Variants in CAMK4 observed in about 807,000 individuals in gnomAD.
CAMK4 encodes calcium/calmodulin dependent protein kinase IV, also known as calcium/calmodulin-dependent protein kinase type IV.
Under a neutral mutation model 44.9 loss-of-function variants are expected in CAMK4, and 22 were observed. The observed-to-expected ratio is 0.49, with a 90% CI of 0.35 to 0.70. The LOEUF (loss-of-function observed/expected upper bound fraction) is 0.70, where lower values mean the gene tolerates loss of function less well. Ranked by LOEUF, CAMK4 falls within the 30% of genes least tolerant of loss-of-function variation. The pLI is 0.01. For missense variants in CAMK4, 498 were observed against 586.8 expected (o/e 0.85, Z 1.56); for synonymous variants, 218 against 215.4 (o/e 1.01, Z -0.11).
intron 1 of CAMK4, among the ~76,000 whole-genome samples, chr5:111,235,825 G>A (rs1440857093): frequency 1.3e-5 from 2 of 152,224 alleles, no homozygotes; most frequent in African/African-American, 2.4e-5. Context: ...GCCAAGTAGT[G>A]GAGGGGAGTG....
At chr5:111,328,623 T>A (rs1409167756) in intron 1 of CAMK4, among the ~76,000 whole-genome samples, 3 of 152,084 alleles carry the variant, frequency 2.0e-5, no homozygotes, top group African/African-American at 4.8e-5. Flanking sequence ...TTTCACGATA[T>A]TGATTCTTCC....
chr5:111,386,257 G>T (rs980266245), intron 4 of CAMK4, among the ~76,000 whole-genome samples: 2 of 152,180 alleles, frequency 1.3e-5, no homozygotes, highest in African/African-American at 2.4e-5. Flanking sequence ...AATTTTGTAT[G>T]TAACAGCATA....
chr5:111,353,496 A>G (rs937507120), intron 2 of CAMK4, among the ~76,000 whole-genome samples: 1 of 152,248 alleles, frequency 6.6e-6, no homozygotes, highest in Admixed American at 6.5e-5. Context: ...GAAAAATAAC[A>G]GTAGGAAAAA....
Position 111,484,937 on chromosome 5 carries a change from T to G in CAMK4, c.*471T>G, listed in dbSNP as rs944502653. The G allele has an allele frequency of 6.6e-6, 1 of 152,542 alleles. No individual in the cohort carries two copies. The highest frequency in any genetic ancestry group is 1.5e-5 in the Non-Finnish European group (1 of 68,294). The allele number at this position is 152,542 out of a possible 1,614,324, so 9.4% of individuals were successfully genotyped here. A position where few individuals can be genotyped will look rare whatever the true frequency, so the allele number is the denominator to read the frequency against. On this transcript the variant is annotated 3_prime_UTR_variant, in exon 11 of 11. Transcript: ENST00000282356. The surrounding 1 kb of genome is among the most constrained non-coding windows in gnomAD (Gnocchi z 5.3). ...CTTTTTATCATTGATGTGTTCAAAC[T>G]GTTTACAAGGAGATGCTTATAGATG... is the stretch of plus-strand genomic sequence containing the variant.
At chr5:111,434,608 T>C (rs1753583138) in intron 5 of CAMK4, among the ~76,000 whole-genome samples, 1 of 152,222 alleles carries the variant, frequency 6.6e-6, no homozygotes, top group South Asian at 2.1e-4. Flanking sequence ...TCATGGGAGA[T>C]AGTAGTTCCT....
At chr5:111,278,837 A>G (rs1172018701) in intron 1 of CAMK4, among the ~76,000 whole-genome samples, 1 of 152,260 alleles carries the variant, frequency 6.6e-6, no homozygotes, top group Non-Finnish European at 1.5e-5. Flanking sequence ...GGTTTCAGTG[A>G]TAACAAGACT....
At chr5:111,239,933 T>TAGTA (rs1748910021) in intron 1 of CAMK4, among the ~76,000 whole-genome samples, 1 of 152,210 alleles carries the variant, frequency 6.6e-6, no homozygotes, top group Non-Finnish European at 1.5e-5. Flanking sequence ...TACCCAGGGG[T>TAGTA]AGTACATGGT....
chr5:111,487,251 G>A lies in CAMK4; in HGVS notation c.*2785G>A, dbSNP rs1580819064. ...ACAATAAATTACATTTTACATTTTA[G>A]AGCTAACACTTATCACATTACATTA... On this transcript the variant is annotated 3_prime_UTR_variant, in exon 11 of 11. Coordinates refer to ENST00000282356, the MANE Select transcript of CAMK4 (RefSeq NM_001744.6). 1 of 152,142 alleles carries A rather than the reference G, an allele frequency of 6.6e-6. No individual in the cohort carries two copies. Among genetic ancestry groups the A allele is most frequent in the South Asian group, 2.1e-4 (1 of 4,824 alleles). 9.4% of individuals were successfully genotyped at this position (152,142 alleles called of 1,614,324 possible).
Position 111,344,417 on chromosome 5 carries a change from T to TACACAC in CAMK4, c.240+325_240+330dup, listed in dbSNP as rs1561427067. 6.9e-5 allele frequency among the ~76,000 whole-genome samples: 10 copies of TACACAC among 145,656 alleles called. No individual in the cohort carries two copies. In the East Asian group the frequency reaches 1.6e-3, roughly 23 times the overall value. On this transcript the variant is annotated intron_variant, in intron 2 of 10. Transcript: ENST00000282356. ...GATTTTATATATATATATATGTATA[T>TACACAC]ACACACACACACACATACACACACA...
At chr5:111,266,358 C>A (rs1750246673) in intron 1 of CAMK4, among the ~76,000 whole-genome samples, 1 of 152,002 alleles carries the variant, frequency 6.6e-6, no homozygotes, top group African/African-American at 2.4e-5. Flanking sequence ...TTCATGAATT[C>A]TTTCTTTATA....
At chr5:111,471,444 C>T (rs1755062792) in intron 7 of CAMK4, among the ~76,000 whole-genome samples, 1 of 152,108 alleles carries the variant, frequency 6.6e-6, no homozygotes, top group South Asian at 2.1e-4. Context: ...CTGTTAATTT[C>T]TTTAGAACAT....
At chr5:111,438,115 C>G (rs1196844554) in intron 5 of CAMK4, among the ~76,000 whole-genome samples, 1 of 152,060 alleles carries the variant, frequency 6.6e-6, no homozygotes, top group Non-Finnish European at 1.5e-5. Context: ...GACTTGAACA[C>G]TTAAGTTGAT....
intron 2 of CAMK4, among the ~76,000 whole-genome samples, chr5:111,350,398 A>T (rs1438024458): frequency 6.6e-6 from 1 of 152,094 alleles, no homozygotes. Context: ...AACAAAATTA[A>T]CTACATTGGT....
rs1755559727 is a variant in CAMK4, at chr5:111,484,866, T to C, written c.*400T>C. The C allele has an allele frequency of 6.4e-6, 1 of 156,238 alleles. No individual in the cohort carries two copies. The highest frequency in any genetic ancestry group is 2.1e-4 in the South Asian group (1 of 4,878). The allele number at this position is 156,238 out of a possible 1,614,324, so 9.7% of individuals were successfully genotyped here. On this transcript the variant is annotated 3_prime_UTR_variant, in exon 11 of 11. Transcript: ENST00000282356. This position sits in a 1 kb window ranked among gnomAD's most constrained non-coding sequence, Gnocchi z 5.3. Reference sequence around the variant, plus strand: ...CTTTGAACTACTGCTTAGCTAATACTAGGTAGTGCTAAAAGACATGTTCCC... The same window carrying C: ...CTTTGAACTACTGCTTAGCTAATACCAGGTAGTGCTAAAAGACATGTTCCC...
intron 5 of CAMK4, among the ~76,000 whole-genome samples, chr5:111,426,850 C>T (rs774819049): frequency 2.0e-5 from 3 of 152,216 alleles, no homozygotes; most frequent in Non-Finnish European, 4.4e-5. Flanking sequence ...GTGGTCTGAA[C>T]TTGAGTTTCC....
chr5:111,492,682 C>T lies in CAMK4; in HGVS notation c.*8216C>T, dbSNP rs1755893979. The T allele has an allele frequency of 6.6e-6, 1 of 152,282 alleles. No individual in the cohort carries two copies. Among genetic ancestry groups the T allele is most frequent in the Non-Finnish European group, 1.5e-5 (1 of 68,028 alleles). The allele number at this position is 152,282 out of a possible 1,614,324, so 9.4% of individuals were successfully genotyped here. ...TAATTTTGAAGCTTCCCAGGAGCAG[C>T]CCCCTCCAGGAACAATTTTCCCTGT... On this transcript the variant is annotated 3_prime_UTR_variant, in exon 11 of 11. Transcript: ENST00000282356.
At position 111,369,955 on chromosome 5, in the gene CAMK4, G is replaced by C. The variant is rs757558949; in HGVS notation, c.241-4895G>C. ...CATGGTTAGTTGAATAGAAGATGCC[G>C]AACCCACAGATATGGAGGGCTGACT... On this transcript the variant is annotated intron_variant, in intron 2 of 10. Coordinates refer to ENST00000282356, the MANE Select transcript of CAMK4 (RefSeq NM_001744.6). Among the ~76,000 whole-genome samples, 8 of 151,984 alleles carry C rather than the reference G, an allele frequency of 5.3e-5. No homozygotes were observed. The East Asian group carries it at 1.6e-3, about 29-fold the overall frequency.
At position 111,490,679 on chromosome 5, in the gene CAMK4, C is replaced by T. The variant is rs1364914438; in HGVS notation, c.*6213C>T. On this transcript the variant is annotated 3_prime_UTR_variant, in exon 11 of 11. Coordinates refer to ENST00000282356, the MANE Select transcript of CAMK4 (RefSeq NM_001744.6). ...TTTTAACCTGACCTATTTTATATAC[C>T]TACAATACAGTTAATATGCAGCAGC... The T allele has an allele frequency of 6.6e-6, 1 of 152,210 alleles. No individual in the cohort carries two copies. Among genetic ancestry groups the T allele is most frequent in the East Asian group, 1.9e-4 (1 of 5,188 alleles). The allele number at this position is 152,210 out of a possible 1,614,324, so 9.4% of individuals were successfully genotyped here.
chr5:111,318,725 C>T (rs1351986762), intron 1 of CAMK4, among the ~76,000 whole-genome samples: 2 of 152,058 alleles, frequency 1.3e-5, no homozygotes, highest in Admixed American at 6.6e-5. Context: ...TTAATAAAGA[C>T]AGAATTGGCT....
Sources: allele counts gnomAD v4.1 joint callset (sites outside exome capture counted in the v4.1 genomes callset), GRCh38; gene constraint gnomAD v4.1.1; non-coding constraint Gnocchi (gnomAD v3.1); transcripts MANE v1.5; gene names NCBI Gene and HGNC (gene_info 2026-07-23, HGNC 2026-07-21).